The following EPB41L4A variants were observed in gnomAD, a reference collection of about 807,000 sequenced individuals.
EPB41L4A encodes the protein band 4.1-like protein 4A.
EPB41L4A carries 100 observed loss-of-function variants against 108.6 expected under a neutral mutation model. That is an observed-to-expected ratio of 0.92 (90% CI 0.78 to 1.09). The LOEUF is 1.09. Among genes scored for constraint, EPB41L4A ranks in the 50% least tolerant of loss-of-function variants. The pLI is 0.00. For synonymous variants in EPB41L4A, 319 were observed against 289.0 expected, an observed-to-expected ratio of 1.10 and a Z score of -1.05; for missense variants, 1,030 against 842.7, an observed-to-expected ratio of 1.22 and a Z score of -2.75.
chr5:112,181,226 C>A (rs1253529376), intron 18 of EPB41L4A, among the ~76,000 whole-genome samples: 1 of 151,058 alleles, frequency 6.6e-6, no homozygotes, highest in African/African-American at 2.4e-5. Context: ...CCGAGGCGGG[C>A]GGATCACGAG....
At chr5:112,363,322 G>A (rs1046898390) in intron 1 of EPB41L4A, 3 of 150,132 alleles carry the variant, frequency 2.0e-5, no homozygotes, top group South Asian at 2.1e-4. Context: ...GACTGGTGAT[G>A]TAAGAAACAA....
intron 12 of EPB41L4A, among the ~76,000 whole-genome samples, chr5:112,231,943 A>C (rs908858670): frequency 1.3e-5 from 2 of 150,932 alleles, no homozygotes; most frequent in African/African-American, 4.9e-5. Flanking sequence ...CATCTCTACA[A>C]AAAATAAAAG....
chr5:112,263,083 A>G (rs774335468), intron 6 of EPB41L4A, among the ~76,000 whole-genome samples: 3 of 152,212 alleles, frequency 2.0e-5, no homozygotes, highest in Non-Finnish European at 4.4e-5. Flanking sequence ...ACGTACAGAG[A>G]TTGTAAAAAA....
At chr5:112,226,634 G>A (rs1185283099) in intron 12 of EPB41L4A, among the ~76,000 whole-genome samples, 1 of 152,026 alleles carries the variant, frequency 6.6e-6, no homozygotes, top group East Asian at 1.9e-4. Context: ...AAAATCCCAA[G>A]AGGGCTGGAG....
chr5:112,231,208 C>T (rs1748894041), intron 12 of EPB41L4A, among the ~76,000 whole-genome samples: 1 of 152,094 alleles, frequency 6.6e-6, no homozygotes, highest in South Asian at 2.1e-4. Context: ...AGCAGAAAAT[C>T]ATACAGATAT....
intron 2 of EPB41L4A, among the ~76,000 whole-genome samples, chr5:112,297,910 T>C (rs1242106832): frequency 6.6e-6 from 1 of 152,150 alleles, no homozygotes; most frequent in Non-Finnish European, 1.5e-5. Flanking sequence ...TTGTTTTTGT[T>C]TGCTTTGTCG....
chr5:112,359,440 T>C (rs895060305), intron 1 of EPB41L4A, among the ~76,000 whole-genome samples: 2 of 152,190 alleles, frequency 1.3e-5, no homozygotes, highest in African/African-American at 4.8e-5. Context: ...CCCCTAAGGT[T>C]AATATGGTTG....
In EPB41L4A at chr5:112,264,804, G is replaced by C. The variant is rs1233187628; in HGVS notation, c.554+92C>G. The C allele has an allele frequency of 4.0e-6, 5 of 1,265,622 alleles. No individual in the cohort carries two copies. The East Asian group carries it at 1.2e-4, about 31-fold the overall frequency. The allele number at this position is 1,265,622 out of a possible 1,614,324, so 78.4% of individuals were successfully genotyped here. A position where few individuals can be genotyped will look rare whatever the true frequency, so the allele number is the denominator to read the frequency against. ...GTATTAGAATATTAAATGCACAGGT[G>C]AAGAATTTATCATTCTAGAAACTTT... On this transcript the variant is annotated intron_variant, in intron 6 of 22. Coordinates refer to ENST00000261486, the MANE Select transcript of EPB41L4A (RefSeq NM_022140.5).
chr5:112,161,812 A>AT (rs903191521), downstream of EPB41L4A: 10 of 297,638 alleles, frequency 3.4e-5, no homozygotes, highest in African/African-American at 2.2e-4. Flanking sequence ...TGTAATGGGA[A>AT]TTTTTATCAC....
At chr5:112,187,348 T>C (rs1334391716) in intron 17 of EPB41L4A, among the ~76,000 whole-genome samples, 1 of 152,226 alleles carries the variant, frequency 6.6e-6, no homozygotes, top group Non-Finnish European at 1.5e-5. Flanking sequence ...GTAGGAAGTA[T>C]ATCATAACAA....
intron 1 of EPB41L4A, among the ~76,000 whole-genome samples, chr5:112,397,561 T>A (rs543808318): frequency 3.9e-5 from 6 of 151,936 alleles, no homozygotes; most frequent in African/African-American, 1.4e-4. Context: ...TGAAAAAAAA[T>A]TTACAAAAAA....
intron 12 of EPB41L4A, among the ~76,000 whole-genome samples, chr5:112,215,900 A>G (rs1747605181): frequency 6.6e-6 from 1 of 152,002 alleles, no homozygotes; most frequent in Non-Finnish European, 1.5e-5. Flanking sequence ...ATGGCCTGTG[A>G]TATTTGTTTC....
chr5:112,285,073 A>G (rs1338575285), intron 2 of EPB41L4A, among the ~76,000 whole-genome samples: 1 of 152,196 alleles, frequency 6.6e-6, no homozygotes, highest in African/African-American at 2.4e-5. Context: ...TAATAGTAGA[A>G]TAAACCCTAA....
At chr5:112,275,568 G>A (rs768547315) in intron 3 of EPB41L4A, among the ~76,000 whole-genome samples, 164 bp from the exon 4 acceptor site, 1 of 152,040 alleles carries the variant, frequency 6.6e-6, no homozygotes, top group Non-Finnish European at 1.5e-5. Flanking sequence ...ATAGGACCTC[G>A]ACACATACAC....
chr5:112,259,926 CACA>C lies in EPB41L4A; in HGVS notation c.693_695del (p.Val232del), dbSNP rs755659471. On this transcript the variant is annotated inframe_deletion, in exon 8 of 23. Transcript: ENST00000261486. ...TCCCCACTTGCTTTTTATTCTTGTA[CACA>C]ACAACACCAACCGGAGTTAATCCTA... 1.2e-6 allele frequency: 2 copies of C among 1,614,082 alleles called. No individual in the cohort carries two copies. The highest frequency in any genetic ancestry group is 2.2e-5 in the East Asian group (1 of 44,884).
chr5:112,159,818 T>C (rs1759784543), downstream of EPB41L4A, among the ~76,000 whole-genome samples: 1 of 152,216 alleles, frequency 6.6e-6, no homozygotes, highest in Admixed American at 6.5e-5. Flanking sequence ...AATATCTTAT[T>C]AATAATCTCA....
At chr5:112,189,414 C>A (rs893924887) in intron 17 of EPB41L4A, among the ~76,000 whole-genome samples, 2 of 152,176 alleles carry the variant, frequency 1.3e-5, no homozygotes, top group African/African-American at 4.8e-5. Flanking sequence ...CAGCTCAAAG[C>A]CACAGAATTC....
At chr5:112,146,513 C>T (rs757900549) in intron 12 of EPB41L4A, among the ~76,000 whole-genome samples, 3 of 152,138 alleles carry the variant, frequency 2.0e-5, no homozygotes, top group Non-Finnish European at 4.4e-5. Context: ...AGGTTACTGA[C>T]GGAAACAGAT....
chr5:112,161,457 T>C (rs776861349), downstream of EPB41L4A: 1 of 513,758 alleles, frequency 1.9e-6, no homozygotes. Context: ...AGCAACCTTA[T>C]GCCATAAAGC....
Sources: allele counts gnomAD v4.1 joint callset (sites outside exome capture counted in the v4.1 genomes callset), GRCh38; gene constraint gnomAD v4.1.1; transcripts MANE v1.5; gene names NCBI Gene and HGNC (gene_info 2026-07-23, HGNC 2026-07-21).